Variants in HLA-G observed in about 807,000 individuals in gnomAD.
The protein encoded by HLA-G is HLA class I histocompatibility antigen, alpha chain G.
Under a neutral mutation model 39.3 loss-of-function variants are expected in HLA-G, and 34 were observed. The ratio of observed to expected loss-of-function variants is 0.86; its 90% confidence interval spans 0.66 to 1.15. HLA-G has a LOEUF of 1.15. Among genes scored for constraint, HLA-G ranks in the 50% most tolerant of loss-of-function variants. The pLI is 0.00. For synonymous variants in HLA-G, 183 were observed against 185.8 expected (o/e 0.99, Z 0.12); for missense variants, 419 against 456.4 (o/e 0.92, Z 0.75).
upstream of HLA-G, chr6:29,827,094 A>T (rs1760740151): frequency 2.0e-6 from 1 of 494,120 alleles, no homozygotes; most frequent in Non-Finnish European, 4.2e-6. Context: ...TGTCTGGGAA[A>T]GTGAAACTTA....
In HLA-G at chr6:29,828,053, A is replaced by G; in HGVS notation, c.80A>G (p.His27Arg). 6.2e-7 allele frequency: 1 copy of G among 1,610,026 alleles called. No individual in the cohort carries two copies. The highest frequency in any genetic ancestry group is 8.5e-7 in the Non-Finnish European group (1 of 1,178,898). ...AACCCCTCCTCGCCCCCAGGCTCCCACTCCATGAGGTATTTCAGCGCCGCC... is the reference window on the plus strand; with the variant it reads ...AACCCCTCCTCGCCCCCAGGCTCCCGCTCCATGAGGTATTTCAGCGCCGCC... Reference protein sequence around the residue: ...LTLTETWAGSHSMRYFSAAVS... With the variant: ...LTLTETWAGSRSMRYFSAAVS... Residue 27 changes from histidine to arginine, a missense_variant, in exon 2 of 7, where the codon CAC becomes CGC. Coordinates refer to ENST00000360323, the MANE Select transcript of HLA-G (RefSeq NM_001384290.1).
intron 2 of HLA-G, 113 bp from the exon 3 acceptor site, chr6:29,828,430 G>A (rs1196281878): frequency 6.4e-7 from 1 of 1,551,744 alleles, no homozygotes; most frequent in Non-Finnish European, 8.7e-7. Context: ...CGCGGGACCC[G>A]CCCAGACCCT....
chr6:29,830,290 T>C (rs1308478509), intron 5 of HLA-G, 88 bp from the exon 6 acceptor site: 1 of 1,461,034 alleles, frequency 6.8e-7, no homozygotes, highest in Non-Finnish European at 9.6e-7. Context: ...TCTGGAAACT[T>C]CTCGAGGGTC....
upstream of HLA-G, chr6:29,827,709 T>C (rs1417343376): frequency 4.6e-6 from 4 of 872,344 alleles, no homozygotes; most frequent in East Asian, 5.3e-5. Flanking sequence ...TCCTTCTTCC[T>C]GGATACTCAC....
intron 3 of HLA-G, 76 bp from the exon 4 acceptor site, chr6:29,829,342 A>G: frequency 6.7e-7 from 1 of 1,499,726 alleles, no homozygotes; most frequent in South Asian, 1.2e-5. Flanking sequence ...CATTCTTAGG[A>G]TGGTCACATC....
chr6:29,827,138 A>G (rs1216014529), upstream of HLA-G: 5 of 471,600 alleles, frequency 1.1e-5, no homozygotes, highest in Non-Finnish European at 1.8e-5. Flanking sequence ...ATGCTTTTAG[A>G]TGCATTTATA....
At chr6:29,829,223 C>T (rs1679787130) in intron 3 of HLA-G, among the ~76,000 whole-genome samples, 195 bp from the exon 4 acceptor site, 1 of 151,960 alleles carries the variant, frequency 6.6e-6, no homozygotes, top group African/African-American at 2.4e-5. Context: ...GTCCCTGCTC[C>T]CCCGCTCAGA....
intron 5 of HLA-G, 48 bp from the exon 6 acceptor site, chr6:29,830,330 T>G: frequency 6.2e-7 from 1 of 1,609,506 alleles, no homozygotes; most frequent in Non-Finnish European, 8.5e-7. Context: ...TAGGACCTCA[T>G]GGCCCTGCCA....
Position 29,828,652 on chromosome 6 carries a change from C to G in HLA-G, c.453C>G (p.Asn151Lys), listed in dbSNP as rs1182630020. ...AYDGKDYLAL[N>K]EDLRSWTAAD... ...ATGGCAAGGATTACCTCGCCCTGAACGAGGACCTGCGCTCCTGGACCGCAG... is the reference window on the plus strand; with the variant it reads ...ATGGCAAGGATTACCTCGCCCTGAAGGAGGACCTGCGCTCCTGGACCGCAG... Residue 151 changes from asparagine (N) to lysine (K), a missense_variant, in exon 3 of 7, where the codon AAC becomes AAG. Coordinates refer to ENST00000360323, the MANE Select transcript of HLA-G (RefSeq NM_001384290.1). 7.4e-6 allele frequency: 12 copies of G among 1,612,928 alleles called. No homozygotes were observed. Among genetic ancestry groups the G allele is most frequent in the East Asian group, 2.2e-5 (1 of 44,888 alleles).
Position 29,827,923 on chromosome 6 carries a change from T to C in HLA-G, c.73+6T>C, listed in dbSNP as rs1760809990. 2 of 1,607,498 alleles carry C rather than the reference T, an allele frequency of 1.2e-6. No individual in the cohort carries two copies. Among genetic ancestry groups the C allele is most frequent in the East Asian group, 2.2e-5 (1 of 44,726 alleles). On this transcript the variant is annotated splice_donor_region_variant and intron_variant, in intron 1 of 6. Transcript: ENST00000360323. ...CCTGACCGAGACCTGGGCGGGTGAG[T>C]GCGGGGTCAGGAGGGAAACAGCCCC...
Position 29,828,655 on chromosome 6 carries a change from G to C in HLA-G, c.456G>C (p.Glu152Asp). 2.5e-6 allele frequency: 4 copies of C among 1,613,150 alleles called. No homozygotes were observed. Among genetic ancestry groups the C allele is most frequent in the Non-Finnish European group, 3.4e-6 (4 of 1,180,024 alleles). ...YDGKDYLALNEDLRSWTAADT... is the reference protein window; with the variant it reads ...YDGKDYLALNDDLRSWTAADT... ...GCAAGGATTACCTCGCCCTGAACGA[G>C]GACCTGCGCTCCTGGACCGCAGCGG... Residue 152 changes from glutamate to aspartate, a missense_variant, in exon 3 of 7, where the codon GAG becomes GAC. Physicochemically the swap from Glu to Asp is conservative, Grantham distance 45 (BLOSUM62 2). Transcript: ENST00000360323.
In HLA-G at chr6:29,828,402, T is replaced by A. The variant is rs1490719917; in HGVS notation, c.343+86T>A. On this transcript the variant is annotated intron_variant, in intron 2 of 6. Transcript: ENST00000360323. ...CCGGGTACTCCCGAGTCTCCGGGTCTGGGATCCACCCCGAGGCCGCGGGAC... is the reference window on the plus strand; with the variant it reads ...CCGGGTACTCCCGAGTCTCCGGGTCAGGGATCCACCCCGAGGCCGCGGGAC... 9 of 1,554,264 alleles carry A rather than the reference T, an allele frequency of 5.8e-6. No individual in the cohort carries two copies. The African/African-American group carries it at 1.1e-4, about 19-fold the overall frequency.
Position 29,828,781 on chromosome 6 carries a change from A to G in HLA-G, c.582A>G (p.Arg194=). The change falls in exon 3 of 7, where the codon AGA becomes AGG. Residue 194 remains arginine (R), a synonymous_variant. Coordinates refer to ENST00000360323, the MANE Select transcript of HLA-G (RefSeq NM_001384290.1). ...LEGTCVEWLH[R]YLENGKEMLQ... is the part of the protein sequence containing the mutation. ...GCACGTGCGTGGAGTGGCTCCACAG[A>G]TACCTGGAGAACGGGAAGGAGATGC... The G allele has an allele frequency of 6.2e-7, 1 of 1,614,024 alleles. No individual in the cohort carries two copies. Among genetic ancestry groups the G allele is most frequent in the Non-Finnish European group, 8.5e-7 (1 of 1,180,004 alleles).
In HLA-G at chr6:29,830,377, G is replaced by T. The variant is rs149543271; in HGVS notation, c.1013-1G>T. On this transcript the variant is annotated splice_acceptor_variant, in intron 5 of 6. Transcript: ENST00000360323. LOFTEE classifies it high-confidence loss of function. Reference sequence around the variant, plus strand: ...TCTCACAGGACATTTTCTTCCCACAGATTGAAAAGGAGGGAGCTACTCTCA... The same window carrying T: ...TCTCACAGGACATTTTCTTCCCACATATTGAAAAGGAGGGAGCTACTCTCA... The T allele has an allele frequency of 2.5e-6, 4 of 1,613,710 alleles. No homozygotes were observed. In the African/African-American group the frequency reaches 5.3e-5, roughly 22 times the overall value.
In HLA-G at chr6:29,830,415, G is replaced by A; in HGVS notation, c.*28+5G>A. The A allele has an allele frequency of 6.2e-7, 1 of 1,612,234 alleles. No homozygotes were observed. The highest frequency in any genetic ancestry group is 8.5e-7 in the Non-Finnish European group (1 of 1,178,286). ...GGAGCTACTCTCAGGCTGCAAGTAA[G>A]TATGAAGGAGGCTGATCCCTGAGAT... is the stretch of plus-strand genomic sequence containing the variant. On this transcript the variant is annotated splice_donor_5th_base_variant and intron_variant, in intron 6 of 6. Coordinates refer to ENST00000360323, the MANE Select transcript of HLA-G (RefSeq NM_001384290.1).
Position 29,828,683 on chromosome 6 carries a change from A to G in HLA-G, c.484A>G (p.Thr162Ala). The G allele has an allele frequency of 6.2e-7, 1 of 1,613,640 alleles. No individual in the cohort carries two copies. Among genetic ancestry groups the G allele is most frequent in the Non-Finnish European group, 8.5e-7 (1 of 1,180,022 alleles). ...EDLRSWTAAD[T>A]AAQISKRKCE... Reference sequence around the variant, plus strand: ...CCTGCGCTCCTGGACCGCAGCGGACACTGCGGCTCAGATCTCCAAGCGCAA... The same window carrying G: ...CCTGCGCTCCTGGACCGCAGCGGACGCTGCGGCTCAGATCTCCAAGCGCAA... The change falls in exon 3 of 7, where the codon ACT (threonine) becomes GCT (alanine). Residue 162 changes from threonine to alanine, a missense_variant. Physicochemically the swap from Thr to Ala is moderately conservative, Grantham distance 58. This residue lies in a region of HLA-G where 328 missense variants were observed against 323.0 expected (regional missense o/e 1.02). Transcript: ENST00000360323.
upstream of HLA-G, chr6:29,827,191 G>A: frequency 2.2e-6 from 1 of 447,758 alleles, no homozygotes; most frequent in Non-Finnish European, 4.6e-6. Context: ...TTAGATTCCT[G>A]ATCATTCAGG....
Position 29,828,599 on chromosome 6 carries a change from C to A in HLA-G, c.400C>A (p.Leu134Ile), listed in dbSNP as rs12722477. ...GCDLGSDGRL[L>I]RGYEQYAYDG... ...CGACCTGGGGTCCGACGGACGCCTC[C>A]TCCGCGGGTATGAACAGTATGCCTA... Residue 134 changes from leucine (L) to isoleucine (I), a missense_variant, in exon 3 of 7, where the codon CTC becomes ATC. Leu to Ile is a conservative substitution (Grantham distance 5, BLOSUM62 2). Coordinates refer to ENST00000360323, the MANE Select transcript of HLA-G (RefSeq NM_001384290.1). 0.11 allele frequency: 172,197 copies of A among 1,613,026 alleles called. 12,937 individuals are homozygous for A. The highest frequency in any genetic ancestry group is 0.37 in the East Asian group (16,676 of 44,860).
Position 29,828,747 on chromosome 6 carries a change from A to G in HLA-G, c.548A>G (p.Tyr183Cys). The G allele has an allele frequency of 6.2e-7, 1 of 1,613,968 alleles. No individual in the cohort carries two copies. Among genetic ancestry groups the G allele is most frequent in the Admixed American group, 1.7e-5 (1 of 60,022 alleles). The change falls in exon 3 of 7, where the codon TAC (tyrosine) becomes TGC (cysteine). Residue 183 changes from tyrosine (Y) to cysteine (C), a missense_variant. By Grantham distance (194) the Tyr-to-Cys change is radical. Coordinates refer to ENST00000360323, the MANE Select transcript of HLA-G (RefSeq NM_001384290.1). ...AANVAEQRRAYLEGTCVEWLH... is the reference protein window; with the variant it reads ...AANVAEQRRACLEGTCVEWLH... ...AATGTGGCTGAACAAAGGAGAGCCT[A>G]CCTGGAGGGCACGTGCGTGGAGTGG...
Sources: gnomAD v4.1 joint callset for allele counts (sites outside exome capture counted in the v4.1 genomes callset) on GRCh38, gnomAD v4.1.1 for gene constraint, gnomAD v4.1.1 regional missense constraint, MANE v1.5 for transcripts, NCBI Gene and HGNC (gene_info 2026-07-23, HGNC 2026-07-21) for gene names.